The following ENTREP2 variants were observed in gnomAD, a reference collection of about 807,000 sequenced individuals.
ENTREP2 encodes the protein endosomal transmembrane epsin interactor 2.
chr15:29,186,973 C>G, the ENTREP2 span, among the ~76,000 whole-genome samples: 1 of 152,110 alleles, frequency 6.6e-6, no homozygotes, highest in Non-Finnish European at 1.5e-5. Flanking sequence ...CATCTGTGTT[C>G]CCATTACCAC....
the ENTREP2 span, among the ~76,000 whole-genome samples, chr15:29,451,178 G>A: frequency 6.6e-6 from 1 of 152,218 alleles, no homozygotes; most frequent in African/African-American, 2.4e-5. Flanking sequence ...TTCCCACTGA[G>A]CCTCTGGTGG....
the ENTREP2 span, among the ~76,000 whole-genome samples, chr15:29,420,010 A>C: frequency 3.3e-5 from 5 of 152,180 alleles, no homozygotes; most frequent in South Asian, 1.0e-3. Flanking sequence ...CAAACTTTGG[A>C]AGTTATGAAA....
At chr15:29,293,533 G>C in the ENTREP2 span, among the ~76,000 whole-genome samples, 3 of 152,086 alleles carry the variant, frequency 2.0e-5, no homozygotes, top group Admixed American at 6.5e-5. Flanking sequence ...TGGGATTACA[G>C]GCATGAGCCA....
the ENTREP2 span, among the ~76,000 whole-genome samples, chr15:29,598,104 AG>A: frequency 2.0e-5 from 3 of 148,008 alleles, no homozygotes; most frequent in Non-Finnish European, 4.5e-5. Flanking sequence ...CCGGGGCAAC[AG>A]AGTGAGACCC....
the ENTREP2 span, chr15:29,268,233 C>G: frequency 1.3e-5 from 2 of 152,130 alleles, no homozygotes; most frequent in Non-Finnish European, 2.9e-5. Flanking sequence ...TGTTTAGCAG[C>G]AGAGCTGAAT....
chr15:29,523,563 T>A, the ENTREP2 span, among the ~76,000 whole-genome samples: 5 of 115,120 alleles, frequency 4.3e-5, no homozygotes, highest in Non-Finnish European at 3.4e-5. Flanking sequence ...CCAGCTAGAT[T>A]TTTTTTTTTT....
chr15:29,453,188 G>T, the ENTREP2 span, among the ~76,000 whole-genome samples: 1 of 152,186 alleles, frequency 6.6e-6, no homozygotes, highest in African/African-American at 2.4e-5. Context: ...CGGTGCAGGG[G>T]GAGAGAATGT....
At chr15:29,431,562 C>T in the ENTREP2 span, among the ~76,000 whole-genome samples, 18 of 151,842 alleles carry the variant, frequency 1.2e-4, no homozygotes, top group Non-Finnish European at 2.6e-4. Flanking sequence ...TTTGTGAAAC[C>T]CTCTCCCAAA....
chr15:29,456,412 C>A, the ENTREP2 span, among the ~76,000 whole-genome samples: 1 of 152,162 alleles, frequency 6.6e-6, no homozygotes, highest in African/African-American at 2.4e-5. Context: ...CAACATGAAT[C>A]AAGAGACAGA....
chr15:29,149,224 T>A, the ENTREP2 span, among the ~76,000 whole-genome samples: 1 of 152,172 alleles, frequency 6.6e-6, no homozygotes, highest in Non-Finnish European at 1.5e-5. Flanking sequence ...CTCACTTGCA[T>A]CTAATGGACA....
the ENTREP2 span, among the ~76,000 whole-genome samples, chr15:29,484,501 C>T: frequency 6.6e-6 from 1 of 152,164 alleles, no homozygotes; most frequent in Non-Finnish European, 1.5e-5. Flanking sequence ...TTGTAACAAA[C>T]ACAAACACTA....
At chr15:29,480,776 G>A in the ENTREP2 span, among the ~76,000 whole-genome samples, 3 of 152,162 alleles carry the variant, frequency 2.0e-5, no homozygotes, top group African/African-American at 4.8e-5. Context: ...GGGCAACTCT[G>A]ACTTTCCGAA....
chr15:29,222,568 G>A, the ENTREP2 span, among the ~76,000 whole-genome samples: 1 of 152,286 alleles, frequency 6.6e-6, no homozygotes, highest in South Asian at 2.1e-4. Flanking sequence ...TGAGCATGCT[G>A]AGTGGACCAC....
chr15:29,357,787 C>T, the ENTREP2 span, among the ~76,000 whole-genome samples: 114 of 151,126 alleles, frequency 7.5e-4, no homozygotes, highest in East Asian at 4.7e-3. Context: ...TGCAGTGAGC[C>T]GAGATCGTGC....
At chr15:29,535,259 T>A in the ENTREP2 span, among the ~76,000 whole-genome samples, 2 of 151,938 alleles carry the variant, frequency 1.3e-5, no homozygotes, top group Admixed American at 1.3e-4. Flanking sequence ...TCTAAAAAAA[T>A]AATAATAAAA....
chr15:29,648,620 T>C, the ENTREP2 span, among the ~76,000 whole-genome samples: 187 of 152,278 alleles, frequency 1.2e-3, 1 homozygote, highest in Middle Eastern at 6.8e-3. Flanking sequence ...GTCAATACCA[T>C]TGAAGTTACG....
chr15:29,223,907 T>TAA, the ENTREP2 span, among the ~76,000 whole-genome samples: 3 of 152,154 alleles, frequency 2.0e-5, no homozygotes, highest in Non-Finnish European at 1.5e-5. Flanking sequence ...GCACATGAAG[T>TAA]AAAGTCTGAA....
chr15:29,128,892 G>A, the ENTREP2 span: 1 of 1,527,512 alleles, frequency 6.5e-7, no homozygotes, highest in South Asian at 1.2e-5. Flanking sequence ...AAGCGTCAAG[G>A]CGGCTGGTCC....
the ENTREP2 span, chr15:29,381,720 C>G: frequency 6.9e-7 from 1 of 1,443,640 alleles, no homozygotes; most frequent in Non-Finnish European, 9.5e-7. Context: ...CCTGCTCACG[C>G]ATCTGAAGGT....
Sources: allele counts gnomAD v4.1 joint callset (sites outside exome capture counted in the v4.1 genomes callset), GRCh38; gene constraint gnomAD v4.1.1; transcripts MANE v1.5; gene names NCBI Gene and HGNC (gene_info 2026-07-23, HGNC 2026-07-21).